Variants in HECW1 observed in about 807,000 individuals in gnomAD.
The protein encoded by HECW1 is E3 ubiquitin-protein ligase HECW1.
HECW1 carries 61 observed loss-of-function variants against 182.3 expected under a neutral mutation model. The observed-to-expected ratio is 0.33, with a 90% confidence interval of 0.27 to 0.41. The LOEUF (loss-of-function observed/expected upper bound fraction) is 0.41, where lower values mean the gene tolerates loss of function less well. HECW1 is among the 10% of genes least tolerant of loss of function. The pLI, the probability that HECW1 is intolerant of heterozygous loss-of-function variation, is 1.00. For synonymous variants in HECW1, 859 were observed against 832.6 expected, an observed-to-expected ratio of 1.03 and a Z score of -0.55; for missense variants, 1,739 against 2,108.9, an observed-to-expected ratio of 0.82 and a Z score of 3.44.
intron 19 of HECW1, among the ~76,000 whole-genome samples, chr7:43,496,641 C>T (rs1463728493): frequency 6.6e-6 from 1 of 152,128 alleles, no homozygotes; most frequent in Non-Finnish European, 1.5e-5. Context: ...CTGTGGTCCC[C>T]AAGAGCAGAT....
intron 24 of HECW1, among the ~76,000 whole-genome samples, chr7:43,533,537 G>C (rs1001686736): frequency 1.3e-5 from 2 of 152,130 alleles, no homozygotes; most frequent in African/African-American, 4.8e-5. Flanking sequence ...CTCATTCACT[G>C]ACCCAACAAA....
chr7:43,258,246 G>A (rs1369326332), intron 3 of HECW1, among the ~76,000 whole-genome samples: 1 of 151,338 alleles, frequency 6.6e-6, no homozygotes, highest in African/African-American at 2.4e-5. Context: ...GGGAGGCTAA[G>A]GCATGAGAAT....
At chr7:43,136,664 G>A (rs376742994) in intron 2 of HECW1, among the ~76,000 whole-genome samples, 54 of 152,298 alleles carry the variant, frequency 3.5e-4, no homozygotes, top group African/African-American at 1.1e-3. Context: ...TTTCCAGCCC[G>A]TTTTCATCTA....
intron 17 of HECW1, among the ~76,000 whole-genome samples, chr7:43,481,758 G>A (rs1420996827): frequency 1.3e-5 from 2 of 152,026 alleles, no homozygotes; most frequent in African/African-American, 2.4e-5. Flanking sequence ...GTCGAGGCAG[G>A]CAGATCACGA....
chr7:43,145,014 CA>C (rs1228122043), intron 2 of HECW1, among the ~76,000 whole-genome samples: 1 of 152,086 alleles, frequency 6.6e-6, no homozygotes, highest in African/African-American at 2.4e-5. Flanking sequence ...TATGTCCTTT[CA>C]TTTTTTTTAA....
chr7:43,120,848 T>G (rs1179007122), intron 2 of HECW1, among the ~76,000 whole-genome samples: 1 of 152,080 alleles, frequency 6.6e-6, no homozygotes, highest in Non-Finnish European at 1.5e-5. Context: ...TTCACCATGT[T>G]GGCCAGGCTG....
chr7:43,351,658 A>G (rs1584585594), intron 5 of HECW1, among the ~76,000 whole-genome samples: 1 of 143,816 alleles, frequency 7.0e-6, no homozygotes, highest in Admixed American at 6.9e-5. Flanking sequence ...TTTCTTTGTC[A>G]GCTGTTTTTT....
chr7:43,117,434 C>T (rs1300938791), intron 2 of HECW1, among the ~76,000 whole-genome samples: 1 of 151,946 alleles, frequency 6.6e-6, no homozygotes, highest in Non-Finnish European at 1.5e-5. Context: ...CCCCACCCGC[C>T]CCACCAAAGG....
intron 3 of HECW1, among the ~76,000 whole-genome samples, chr7:43,271,217 T>C (rs773975978): frequency 1.9e-4 from 29 of 152,176 alleles, no homozygotes; most frequent in Non-Finnish European, 3.1e-4. Context: ...TACATCCACA[T>C]TGAACATTAA....
At chr7:43,438,220 G>A (rs2076770393) in intron 9 of HECW1, 75 bp downstream of exon 9, 2 of 1,282,016 alleles carry the variant, frequency 1.6e-6, no homozygotes, top group Non-Finnish European at 2.2e-6. Flanking sequence ...CCTGTAGGCT[G>A]CAATAGTATA....
At chr7:43,356,822 A>G (rs1025370811) in intron 5 of HECW1, among the ~76,000 whole-genome samples, 2 of 148,898 alleles carry the variant, frequency 1.3e-5, no homozygotes, top group African/African-American at 2.5e-5. Context: ...AAGTTTTAAA[A>G]TTTTTTGAAA....
chr7:43,192,939 A>T (rs766351934), intron 2 of HECW1, among the ~76,000 whole-genome samples: 2 of 152,208 alleles, frequency 1.3e-5, no homozygotes, highest in Non-Finnish European at 2.9e-5. Context: ...TGGCTACTCC[A>T]TAGGCAGAGC....
intron 5 of HECW1, among the ~76,000 whole-genome samples, chr7:43,341,464 T>A (rs997181609): frequency 6.6e-6 from 1 of 151,786 alleles, no homozygotes; most frequent in Non-Finnish European, 1.5e-5. Flanking sequence ...TCAAGTAATA[T>A]ACAGTTACTC....
intron 5 of HECW1, among the ~76,000 whole-genome samples, chr7:43,353,425 C>T (rs181939498): frequency 3.4e-4 from 52 of 152,214 alleles, no homozygotes; most frequent in African/African-American, 1.1e-3. Flanking sequence ...AGTACCATGA[C>T]GTCCATTTCC....
intron 2 of HECW1, among the ~76,000 whole-genome samples, chr7:43,128,380 G>A (rs1234265533): frequency 6.6e-6 from 1 of 152,158 alleles, no homozygotes; most frequent in Non-Finnish European, 1.5e-5. Context: ...GGGCCCTTAA[G>A]AATTATGCTA....
At chr7:43,359,222 A>G (rs1218666610) in intron 5 of HECW1, among the ~76,000 whole-genome samples, 1 of 152,220 alleles carries the variant, frequency 6.6e-6, no homozygotes, top group Non-Finnish European at 1.5e-5. Flanking sequence ...AGCTACATAT[A>G]ACAGAGATCC....
chr7:43,202,622 T>C (rs998063563), intron 2 of HECW1, among the ~76,000 whole-genome samples: 2 of 151,956 alleles, frequency 1.3e-5, no homozygotes, highest in Non-Finnish European at 2.9e-5. Context: ...TACAGGCACC[T>C]GCCACCACGC....
chr7:43,153,740 A>G (rs1393526264), intron 2 of HECW1, among the ~76,000 whole-genome samples: 1 of 152,148 alleles, frequency 6.6e-6, no homozygotes, highest in Non-Finnish European at 1.5e-5. Context: ...AATTTTTTAT[A>G]TATATTGTTG....
chr7:43,205,165 C>G (rs1189710841), intron 2 of HECW1, among the ~76,000 whole-genome samples: 2 of 151,822 alleles, frequency 1.3e-5, no homozygotes, highest in Non-Finnish European at 2.9e-5. Flanking sequence ...CTCACTGCAA[C>G]CTTCACCTCT....
Sources: gnomAD v4.1 joint callset for allele counts (sites outside exome capture counted in the v4.1 genomes callset) on GRCh38, gnomAD v4.1.1 for gene constraint, MANE v1.5 for transcripts, NCBI Gene and HGNC (gene_info 2026-07-23, HGNC 2026-07-21) for gene names.